Variants in ZNF277 observed in about 807,000 individuals in gnomAD.
ZNF277 encodes nuclear receptor-interacting factor 4.
In ZNF277, 55 loss-of-function variants were observed where a neutral mutation model predicts 60.7. That is an observed-to-expected ratio of 0.91 (90% confidence interval 0.73 to 1.13). The LOEUF (loss-of-function observed/expected upper bound fraction) is 1.13, where lower values mean the gene tolerates loss of function less well. Among genes scored for constraint, ZNF277 ranks in the 50% most tolerant of loss-of-function variants. ZNF277 has a pLI of 0.00. For missense variants in ZNF277, 510 were observed against 523.0 expected, an observed-to-expected ratio of 0.98 and a Z score of 0.24; for synonymous variants, 178 against 179.3, an observed-to-expected ratio of 0.99 and a Z score of 0.06.
intron 1 of ZNF277, among the ~76,000 whole-genome samples, chr7:112,238,497 T>C (rs1790862020): frequency 6.6e-6 from 1 of 152,170 alleles, no homozygotes; most frequent in Admixed American, 6.5e-5. Context: ...GTGTGATTCC[T>C]GGACAAATCC....
intron 2 of ZNF277, among the ~76,000 whole-genome samples, chr7:112,292,180 A>C (rs991410841): frequency 1.3e-5 from 2 of 152,198 alleles, no homozygotes; most frequent in Non-Finnish European, 2.9e-5. Context: ...TAAGCATGTC[A>C]TGTGATTCTT....
chr7:112,267,782 A>G (rs1043247774), intron 1 of ZNF277, among the ~76,000 whole-genome samples: 5 of 152,226 alleles, frequency 3.3e-5, no homozygotes, highest in Admixed American at 2.6e-4. Flanking sequence ...CCTAGTATTG[A>G]TATTTCCTTT....
chr7:112,231,544 C>T (rs1402236570), intron 1 of ZNF277, among the ~76,000 whole-genome samples: 1 of 151,916 alleles, frequency 6.6e-6, no homozygotes, highest in African/African-American at 2.4e-5. Flanking sequence ...TGATGAATGC[C>T]ATCTGGTCCA....
Position 112,314,082 on chromosome 7 carries a change from G to A in ZNF277, c.466-4100G>A, listed in dbSNP as rs553762251. 2.0e-5 allele frequency among the ~76,000 whole-genome samples: 3 copies of A among 152,174 alleles called. No homozygotes were observed. In the South Asian group the frequency reaches 6.2e-4, roughly 32 times the overall value. ...ATGCTATAAAACTATGGTAAAAAAG[G>A]AAGTATCACTTCTAATACAAAAACA... On this transcript the variant is annotated intron_variant, in intron 4 of 11. Transcript: ENST00000361822.
At chr7:112,224,646 G>A (rs960191668) in intron 1 of ZNF277, among the ~76,000 whole-genome samples, 2 of 152,102 alleles carry the variant, frequency 1.3e-5, no homozygotes, top group South Asian at 2.1e-4. Flanking sequence ...TATTGAGGAC[G>A]GGGGATTCTT....
intron 4 of ZNF277, among the ~76,000 whole-genome samples, chr7:112,308,883 AT>A (rs1792659051): frequency 6.6e-6 from 1 of 152,108 alleles, no homozygotes; most frequent in Non-Finnish European, 1.5e-5. Context: ...TTTCTGCTAA[AT>A]TTGATGAAGA....
intron 1 of ZNF277, among the ~76,000 whole-genome samples, chr7:112,262,730 G>A (rs946324571): frequency 6.6e-6 from 1 of 151,892 alleles, no homozygotes; most frequent in African/African-American, 2.4e-5. Context: ...TCAAAGCTTA[G>A]CATTTAAGAA....
intron 2 of ZNF277, among the ~76,000 whole-genome samples, chr7:112,293,277 A>C (rs1158727067): frequency 2.0e-5 from 3 of 152,142 alleles, no homozygotes; most frequent in African/African-American, 7.2e-5. Context: ...TTGATTGTCC[A>C]TTTAAAAAAA....
At chr7:112,332,682 C>T (rs1045443003) in intron 7 of ZNF277, among the ~76,000 whole-genome samples, 1 of 152,128 alleles carries the variant, frequency 6.6e-6, no homozygotes, top group African/African-American at 2.4e-5. Context: ...TTTTCTATTC[C>T]CTATTCCTAT....
intron 1 of ZNF277, among the ~76,000 whole-genome samples, chr7:112,225,881 G>A (rs1235959830): frequency 6.6e-6 from 1 of 152,128 alleles, no homozygotes; most frequent in Non-Finnish European, 1.5e-5. Flanking sequence ...AAAGTATTAT[G>A]ATACTACATG....
chr7:112,257,824 T>A (rs997162455), intron 1 of ZNF277, among the ~76,000 whole-genome samples: 6 of 152,092 alleles, frequency 3.9e-5, no homozygotes, highest in Non-Finnish European at 7.4e-5. Flanking sequence ...CTTTATTTAA[T>A]TTTTTTAGAG....
chr7:112,280,715 C>T (rs573481632), intron 1 of ZNF277, among the ~76,000 whole-genome samples: 1 of 151,658 alleles, frequency 6.6e-6, no homozygotes, highest in African/African-American at 2.4e-5. Flanking sequence ...AACTTCTGCT[C>T]CCCGGGTTCA....
chr7:112,341,129 A>G, intron 11 of ZNF277, 83 bp downstream of exon 11: 1 of 1,216,858 alleles, frequency 8.2e-7, no homozygotes, highest in East Asian at 2.8e-5. Flanking sequence ...AAGCCTACAG[A>G]AAAAAAAGGA....
chr7:112,260,312 A>G (rs2117023057), intron 1 of ZNF277, among the ~76,000 whole-genome samples: 1 of 152,324 alleles, frequency 6.6e-6, no homozygotes, highest in East Asian at 1.9e-4. Flanking sequence ...GAGGAAGAAG[A>G]CAAAAGTAAT....
At chr7:112,327,874 G>A (rs370380760) in intron 6 of ZNF277, 47 bp downstream of exon 6, 2 of 1,234,448 alleles carry the variant, frequency 1.6e-6, no homozygotes, top group African/African-American at 3.1e-5. Flanking sequence ...TTTAATCTTG[G>A]ACTCTGTTGT....
In ZNF277 at chr7:112,232,042, C is replaced by CATATATATATATAT. The variant is rs67934905; in HGVS notation, c.91+25264_91+25277dup. ...GAACTGCCCCTAAAATAAATAAATA[C>CATATATATATATAT]ATATATATATATATATATATATATA... On this transcript the variant is annotated intron_variant, in intron 1 of 11. Transcript: ENST00000361822. Among the ~76,000 whole-genome samples the CATATATATATATAT allele has an allele frequency of 8.8e-4, 117 of 133,212 alleles. 3 individuals carry two copies. Among genetic ancestry groups the CATATATATATATAT allele is most frequent in the African/African-American group, 2.5e-3 (80 of 31,392 alleles). 87.4% of individuals were successfully genotyped at this position (133,212 alleles called of 152,430 possible).
At chr7:112,316,019 G>GA (rs1156560860) in intron 4 of ZNF277, among the ~76,000 whole-genome samples, 2 of 152,084 alleles carry the variant, frequency 1.3e-5, no homozygotes, top group Non-Finnish European at 2.9e-5. Flanking sequence ...TACCTTCTGA[G>GA]AAAAAATTAA....
Position 112,340,998 on chromosome 7 carries a change from C to G in ZNF277, c.1136C>G (p.Thr379Ser). The G allele has an allele frequency of 6.2e-7, 1 of 1,606,008 alleles. No individual in the cohort carries two copies. The highest frequency in any genetic ancestry group is 8.5e-7 in the Non-Finnish European group (1 of 1,177,312). The change falls in exon 11 of 12, where the codon ACT becomes AGT. Residue 379 changes from threonine to serine, a missense_variant. Thr to Ser is a moderately conservative substitution (Grantham distance 58, BLOSUM62 1). Coordinates refer to ENST00000361822, the MANE Select transcript of ZNF277 (RefSeq NM_021994.3). ...KADLRTHMEE[T>S]KHTSLLPDRK... ...GACTTAAGAACTCACATGGAAGAAA[C>G]TAAACACACTTCGCTGCTCCCCGAT...
chr7:112,286,030 C>T (rs1282669912), intron 1 of ZNF277, among the ~76,000 whole-genome samples: 1 of 152,276 alleles, frequency 6.6e-6, no homozygotes, highest in South Asian at 2.1e-4. Context: ...TATAAGGTGA[C>T]AGGTGTAGAC....
Sources: allele counts gnomAD v4.1 joint callset (sites outside exome capture counted in the v4.1 genomes callset), GRCh38; gene constraint gnomAD v4.1.1; transcripts MANE v1.5; gene names NCBI Gene and HGNC (gene_info 2026-07-23, HGNC 2026-07-21).